CSMD1: variants seen among roughly 807,000 people sequenced by gnomAD.
CSMD1 encodes CUB and Sushi multiple domains 1.
Under a neutral mutation model 417.5 loss-of-function variants are expected in CSMD1, and 213 were observed. The ratio of observed to expected loss-of-function variants is 0.51; its 90% CI spans 0.46 to 0.57. The LOEUF is 0.57. CSMD1 is among the 20% of genes least tolerant of loss of function. The pLI, the probability that CSMD1 is intolerant of heterozygous loss-of-function variation, is 0.00. For missense variants in CSMD1, 6,923 were observed against 4,529.7 expected, an observed-to-expected ratio of 1.53 and a Z score of -15.17; for synonymous variants, 2,862 against 1,736.8, an observed-to-expected ratio of 1.65 and a Z score of -16.11.
At chr8:4,936,072 G>C (rs1807600307) in intron 1 of CSMD1, among the ~76,000 whole-genome samples, 1 of 152,198 alleles carries the variant, frequency 6.6e-6, no homozygotes, top group South Asian at 2.1e-4. Flanking sequence ...AAGGGAAATT[G>C]AAATCATCAT....
At chr8:4,081,327 G>A (rs111481767) in intron 3 of CSMD1, among the ~76,000 whole-genome samples, 2 of 152,144 alleles carry the variant, frequency 1.3e-5, no homozygotes, top group Non-Finnish European at 2.9e-5. Context: ...ACGTTGAATA[G>A]GTTTGATAGG....
chr8:4,215,421 T>C (rs978145343), intron 3 of CSMD1, among the ~76,000 whole-genome samples: 11 of 152,266 alleles, frequency 7.2e-5, no homozygotes, highest in African/African-American at 2.4e-4. Flanking sequence ...GTCTGAATCA[T>C]TAGTAACACA....
chr8:2,938,681 C>T lies in CSMD1; in HGVS notation c.10599G>A (p.Ser3533=), dbSNP rs1021056682. Residue 3533 remains serine (S), a synonymous_variant, in exon 70 of 70, where the codon TCG becomes TCA. Transcript: ENST00000635120. ...TTGTATCATACATGGGGTTTTCAAACGATGCTTGTCCATTGCTGTTTTCAT... is the reference window on the plus strand; with the variant it reads ...TTGTATCATACATGGGGTTTTCAAATGATGCTTGTCCATTGCTGTTTTCAT... The part of the protein sequence containing the change: ...AGHENSNGQA[S]FENPMYDTNL... 6 of 1,611,594 alleles carry T rather than the reference C, an allele frequency of 3.7e-6. No homozygotes were observed. Among genetic ancestry groups the T allele is most frequent in the Non-Finnish European group, 5.1e-6 (6 of 1,178,838 alleles).
intron 5 of CSMD1, among the ~76,000 whole-genome samples, chr8:3,954,671 G>A (rs572277824): frequency 1.3e-5 from 2 of 152,280 alleles, no homozygotes; most frequent in African/African-American, 2.4e-5. Flanking sequence ...CGGATCCCAG[G>A]ACTTGTATAG....
chr8:3,308,784 C>T (rs904537134), intron 23 of CSMD1, among the ~76,000 whole-genome samples: 5 of 129,186 alleles, frequency 3.9e-5, no homozygotes, highest in Admixed American at 9.4e-5. Context: ...AGTGCAATGG[C>T]GTGATCTTGC....
intron 65 of CSMD1, among the ~76,000 whole-genome samples, chr8:2,952,923 G>A (rs912551636): frequency 8.5e-5 from 13 of 152,230 alleles, no homozygotes; most frequent in African/African-American, 3.1e-4. Flanking sequence ...CTGGCAGCCC[G>A]CAGTACAATG....
At chr8:4,382,063 C>G (rs949147696) in intron 3 of CSMD1, among the ~76,000 whole-genome samples, 3 of 152,182 alleles carry the variant, frequency 2.0e-5, no homozygotes, top group African/African-American at 7.2e-5. Flanking sequence ...AACTGGGACT[C>G]TCAGCCATGA....
chr8:3,924,467 G>C (rs2627400), intron 5 of CSMD1, among the ~76,000 whole-genome samples: 4,347 of 152,102 alleles, frequency 0.029, 209 homozygotes, highest in African/African-American at 0.1. Context: ...ATCTTTCTCT[G>C]TTTCTTCTGA....
intron 12 of CSMD1, among the ~76,000 whole-genome samples, chr8:3,466,545 G>A (rs1322262719): frequency 6.6e-6 from 1 of 150,888 alleles, no homozygotes; most frequent in Non-Finnish European, 1.5e-5. Flanking sequence ...GTGTATCTGG[G>A]ATTACAGGTA....
chr8:4,048,930 G>T (rs553697676), intron 3 of CSMD1, among the ~76,000 whole-genome samples: 8 of 152,146 alleles, frequency 5.3e-5, no homozygotes, highest in African/African-American at 1.9e-4. Flanking sequence ...AATTTCAAAT[G>T]CTGCAAATAT....
At chr8:3,660,784 G>A (rs574553431) in intron 7 of CSMD1, among the ~76,000 whole-genome samples, 3 of 152,262 alleles carry the variant, frequency 2.0e-5, no homozygotes, top group Non-Finnish European at 4.4e-5. Flanking sequence ...GCCTCTCAAA[G>A]TGCTGGAATC....
intron 1 of CSMD1, among the ~76,000 whole-genome samples, chr8:4,700,443 C>T (rs574789985): frequency 5.4e-4 from 82 of 152,182 alleles, no homozygotes; most frequent in African/African-American, 1.8e-3. Context: ...TACTTTGTGA[C>T]ACCTCATTGC....
intron 6 of CSMD1, among the ~76,000 whole-genome samples, chr8:3,711,986 T>C (rs534456383): frequency 2.0e-5 from 3 of 152,212 alleles, no homozygotes; most frequent in Non-Finnish European, 2.9e-5. Flanking sequence ...AGACAGGACC[T>C]ATCTGAAAGC....
At chr8:4,808,685 G>C (rs1563453467) in intron 1 of CSMD1, among the ~76,000 whole-genome samples, 1 of 152,138 alleles carries the variant, frequency 6.6e-6, no homozygotes, top group Non-Finnish European at 1.5e-5. Context: ...GAACATACTG[G>C]TTTAAAAATC....
rs57313237 is a variant in CSMD1, at chr8:3,865,427, A to T, written c.819-111385T>A. On this transcript the variant is annotated intron_variant, in intron 5 of 69. Coordinates refer to ENST00000635120, the MANE Select transcript of CSMD1 (RefSeq NM_033225.6). ...TTGCACAGCTCTGCCTGCAAGCGAGACTGTGAGGGCTCAGAGGCAGAGTCA... is the reference window on the plus strand; with the variant it reads ...TTGCACAGCTCTGCCTGCAAGCGAGTCTGTGAGGGCTCAGAGGCAGAGTCA... 7.9e-3 allele frequency among the ~76,000 whole-genome samples: 1,209 copies of T among 152,168 alleles called. 14 individuals carry two copies. Among genetic ancestry groups the T allele is most frequent in the African/African-American group, 0.025 (1,054 of 41,492 alleles).
At chr8:3,974,219 T>A (rs1813267269) in intron 5 of CSMD1, among the ~76,000 whole-genome samples, 1 of 151,958 alleles carries the variant, frequency 6.6e-6, no homozygotes, top group South Asian at 2.1e-4. Context: ...AAACCTTTCA[T>A]AAGAGTTATT....
intron 41 of CSMD1, among the ~76,000 whole-genome samples, chr8:3,130,408 T>A (rs933792626): frequency 3.9e-5 from 6 of 152,118 alleles, no homozygotes; most frequent in Non-Finnish European, 8.8e-5. Context: ...GGAAGCCTCT[T>A]CACTGCTTCC....
At chr8:4,563,343 G>C (rs1183331309) in intron 2 of CSMD1, among the ~76,000 whole-genome samples, 1 of 152,188 alleles carries the variant, frequency 6.6e-6, no homozygotes, top group Non-Finnish European at 1.5e-5. Flanking sequence ...AGAGCTTTCA[G>C]TGAGCTCAGA....
chr8:3,877,305 G>A (rs191036009), intron 5 of CSMD1, among the ~76,000 whole-genome samples: 1 of 152,256 alleles, frequency 6.6e-6, no homozygotes, highest in African/African-American at 2.4e-5. Flanking sequence ...TCTGCATGCT[G>A]GGAGCCCTCC....
Sources: allele counts gnomAD v4.1 joint callset (sites outside exome capture counted in the v4.1 genomes callset), GRCh38; gene constraint gnomAD v4.1.1; transcripts MANE v1.5; gene names NCBI Gene and HGNC (gene_info 2026-07-23, HGNC 2026-07-21).